EXOC2: variants seen among roughly 807,000 people sequenced by gnomAD.
EXOC2 encodes exocyst complex component 2.
EXOC2 carries 70 observed loss-of-function variants against 131.8 expected under a neutral mutation model. The observed-to-expected ratio is 0.53, with a 90% CI of 0.44 to 0.65. The LOEUF (loss-of-function observed/expected upper bound fraction) is 0.65. Among genes scored for constraint, EXOC2 ranks in the 30% least tolerant of loss-of-function variants. EXOC2 has a pLI of 0.00. For synonymous variants in EXOC2, 411 were observed against 398.4 expected, an observed-to-expected ratio of 1.03 and a Z score of -0.38; for missense variants, 923 against 1,108.6, an observed-to-expected ratio of 0.83 and a Z score of 2.38.
chr6:584,161 C>T (rs12530439), intron 11 of EXOC2, among the ~76,000 whole-genome samples: 1 of 151,950 alleles, frequency 6.6e-6, no homozygotes, highest in African/African-American at 2.4e-5. Flanking sequence ...AAATTATTTG[C>T]GTGGTTCCAC....
At chr6:651,373 G>T (rs1317759073) in intron 1 of EXOC2, among the ~76,000 whole-genome samples, 1 of 152,106 alleles carries the variant, frequency 6.6e-6, no homozygotes, top group Admixed American at 6.5e-5. Flanking sequence ...TCTACAAAAG[G>T]CCAGGTGTAG....
chr6:553,314 G>A (rs1757242830), intron 21 of EXOC2, among the ~76,000 whole-genome samples: 1 of 151,900 alleles, frequency 6.6e-6, no homozygotes, highest in African/African-American at 2.4e-5. Flanking sequence ...TTAAATACAT[G>A]TATACATTTT....
At chr6:572,137 G>A (rs1758317962) in intron 13 of EXOC2, among the ~76,000 whole-genome samples, 1 of 152,152 alleles carries the variant, frequency 6.6e-6, no homozygotes, top group Admixed American at 6.5e-5. Context: ...GGCTGCCAAG[G>A]TGCTATCCTT....
intron 24 of EXOC2, among the ~76,000 whole-genome samples, chr6:499,430 A>AACAC (rs5873755): frequency 0.21 from 29,801 of 141,504 alleles, 3,278 homozygotes; most frequent in East Asian, 0.43. Flanking sequence ...CTCACAGTTA[A>AACAC]ACACACACAC....
intron 1 of EXOC2, among the ~76,000 whole-genome samples, chr6:648,461 T>C (rs1299456084): frequency 7.9e-5 from 12 of 152,232 alleles, no homozygotes; most frequent in Admixed American, 7.2e-4. Flanking sequence ...TGTCATTGTC[T>C]ACAAATTTTC....
At chr6:657,062 AGGCAGGCACTCGGGTTCCCGGTTGCG>A in intron 1 of EXOC2, 2 of 854,206 alleles carry the variant, frequency 2.3e-6, no homozygotes, top group Non-Finnish European at 3.5e-6. Flanking sequence ...CCCCCCAGCT[AGGCAGGCACTCGGGTTCCCGGTTGCG>A]GTTGCGGGTT....
intron 4 of EXOC2, among the ~76,000 whole-genome samples, chr6:627,266 A>C (rs1336869493): frequency 2.5e-5 from 3 of 119,042 alleles, no homozygotes; most frequent in South Asian, 5.3e-4. Context: ...AAAAAAAAAG[A>C]AGCCTGGAAA....
chr6:488,928 AC>A (rs772707265), intron 27 of EXOC2, 50 bp downstream of exon 27: 1 of 1,552,530 alleles, frequency 6.4e-7, no homozygotes, highest in Non-Finnish European at 8.8e-7. Context: ...AGGAAACAAA[AC>A]CTTGTTGAGC....
At chr6:625,514 C>T (rs1386417815) in intron 4 of EXOC2, among the ~76,000 whole-genome samples, 64 of 141,534 alleles carry the variant, frequency 4.5e-4, no homozygotes, top group African/African-American at 1.6e-3. Flanking sequence ...AGTTTGTTTC[C>T]GTTCTTTTTT....
In EXOC2 at chr6:486,752, C is replaced by T. The variant is rs537001542; in HGVS notation, c.2694G>A (p.Glu898=). ...TGCTACTCTTGAACTTGTTCAGGAG[C>T]TCTTCCAGTAACCTGCAGGACGGAG... is the stretch of plus-strand genomic sequence containing the variant. ...SSGADKKLLE[E]LLNKFKSSMH... is the part of the protein sequence containing the mutation. The change falls in exon 28 of 28, where the codon GAG becomes GAA. Residue 898 remains glutamate (E), a synonymous_variant. Transcript: ENST00000230449. 5.0e-6 allele frequency: 8 copies of T among 1,613,920 alleles called. No homozygotes were observed. The South Asian group carries it at 6.6e-5, about 13-fold the overall frequency.
chr6:525,642 T>C (rs950928404), intron 23 of EXOC2: 11 of 152,176 alleles, frequency 7.2e-5, no homozygotes, highest in African/African-American at 2.4e-4. Context: ...TAGAAATTTC[T>C]TTTTTTAAAA....
At chr6:517,283 G>A (rs900004637) in intron 23 of EXOC2, among the ~76,000 whole-genome samples, 2 of 152,104 alleles carry the variant, frequency 1.3e-5, no homozygotes, top group Admixed American at 6.5e-5. Flanking sequence ...TGGCGAGGCT[G>A]TACTGTCAGG....
At chr6:684,000 G>A (rs1020421278) in intron 1 of EXOC2, among the ~76,000 whole-genome samples, 7 of 152,160 alleles carry the variant, frequency 4.6e-5, no homozygotes, top group African/African-American at 1.7e-4. Context: ...GCACAATTCC[G>A]GCATCCGAAA....
At chr6:629,072 T>C (rs1339495704) in intron 4 of EXOC2, among the ~76,000 whole-genome samples, 1 of 152,126 alleles carries the variant, frequency 6.6e-6, no homozygotes, top group Non-Finnish European at 1.5e-5. Flanking sequence ...TTGAAGATTA[T>C]ATATAGAGAG....
At chr6:487,729 G>C (rs1412468346) in intron 27 of EXOC2, among the ~76,000 whole-genome samples, 1 of 152,118 alleles carries the variant, frequency 6.6e-6, no homozygotes, top group Non-Finnish European at 1.5e-5. Context: ...TTTAAAGCTA[G>C]GAAGGATCTT....
intron 6 of EXOC2, among the ~76,000 whole-genome samples, chr6:613,004 A>T (rs1363569186): frequency 6.6e-6 from 1 of 152,146 alleles, no homozygotes; most frequent in Non-Finnish European, 1.5e-5. Flanking sequence ...GGCACCAAGG[A>T]GCTCAGGAAG....
intron 26 of EXOC2, among the ~76,000 whole-genome samples, chr6:490,171 AG>A (rs149410063): frequency 0.018 from 2,677 of 152,368 alleles, 88 homozygotes; most frequent in African/African-American, 0.06. Flanking sequence ...AAAATTAAAA[AG>A]TGATTTGGCA....
intron 1 of EXOC2, among the ~76,000 whole-genome samples, chr6:685,893 T>TTTTTTTTTTTTTTTTTTTTG (rs1764626496): frequency 7.2e-6 from 1 of 139,362 alleles, no homozygotes; most frequent in Admixed American, 7.2e-5. Context: ...TTTTTTTTTT[T>TTTTTTTTTTTTTTTTTTTTG]GAGACGGAGT....
chr6:634,071 CTTT>C (rs11386557), intron 2 of EXOC2, among the ~76,000 whole-genome samples: 6 of 149,990 alleles, frequency 4.0e-5, no homozygotes, highest in African/African-American at 7.4e-5. Context: ...TTGACGTTTT[CTTT>C]TTTTTTTTTG....
Sources: allele counts gnomAD v4.1 joint callset (sites outside exome capture counted in the v4.1 genomes callset), GRCh38; gene constraint gnomAD v4.1.1; transcripts MANE v1.5; gene names NCBI Gene and HGNC (gene_info 2026-07-23, HGNC 2026-07-21).